SPECC1: variants seen among roughly 807,000 people sequenced by gnomAD.
SPECC1 encodes the protein cytospin-B.
A neutral mutation model predicts 104.1 loss-of-function variants in SPECC1; 62 were observed. The ratio of observed to expected loss-of-function variants is 0.60; its 90% confidence interval spans 0.49 to 0.74. SPECC1 has a LOEUF of 0.74. Ranked by LOEUF, SPECC1 falls within the 30% of genes least tolerant of loss-of-function variation. The pLI is 0.00. For missense variants in SPECC1, 1,306 were observed against 1,310.5 expected, an observed-to-expected ratio of 1.00 and a Z score of 0.05; for synonymous variants, 513 against 501.6, an observed-to-expected ratio of 1.02 and a Z score of -0.30.
chr17:20,260,617 C>T (rs751578229), intron 12 of SPECC1, among the ~76,000 whole-genome samples: 5 of 152,108 alleles, frequency 3.3e-5, no homozygotes, highest in East Asian at 3.8e-4. Context: ...GCTGTCAATG[C>T]GATAGAAATT....
chr17:20,174,357 C>T (rs2034312654), intron 3 of SPECC1, among the ~76,000 whole-genome samples: 1 of 152,010 alleles, frequency 6.6e-6, no homozygotes, highest in Non-Finnish European at 1.5e-5. Context: ...TGTAAATATG[C>T]AGTTAGGAGA....
chr17:20,066,931 T>TTG (rs374038518), intron 1 of SPECC1, among the ~76,000 whole-genome samples: 42 of 147,900 alleles, frequency 2.8e-4, no homozygotes, highest in Middle Eastern at 3.5e-3. Flanking sequence ...TTTTTTTTTT[T>TTG]GGTAGAGATA....
At chr17:20,105,106 G>A (rs149509140) in intron 2 of SPECC1, among the ~76,000 whole-genome samples, 28 of 150,808 alleles carry the variant, frequency 1.9e-4, no homozygotes, top group African/African-American at 6.3e-4. Context: ...TTTTTTCGGT[G>A]GGGGGGCGGG....
intron 11 of SPECC1, among the ~76,000 whole-genome samples, chr17:20,259,032 G>A (rs1342340975): frequency 6.6e-6 from 1 of 152,138 alleles, no homozygotes; most frequent in Non-Finnish European, 1.5e-5. Context: ...GTGAGTAGAT[G>A]GATTAATATA....
At chr17:20,145,700 G>A (rs2031387375) in intron 3 of SPECC1, among the ~76,000 whole-genome samples, 1 of 152,180 alleles carries the variant, frequency 6.6e-6, no homozygotes, top group African/African-American at 2.4e-5. Flanking sequence ...GAATCACCAG[G>A]ATTAACGTAG....
chr17:20,016,363 C>T (rs1000626938), intron 1 of SPECC1, among the ~76,000 whole-genome samples: 10 of 152,206 alleles, frequency 6.6e-5, no homozygotes, highest in South Asian at 4.1e-4. Flanking sequence ...CCACTCTGGC[C>T]GCGCTTGAGG....
chr17:20,245,759 A>T (rs999198860), intron 7 of SPECC1, among the ~76,000 whole-genome samples, 167 bp from the exon 8 acceptor site: 26 of 152,186 alleles, frequency 1.7e-4, no homozygotes, highest in African/African-American at 5.8e-4. Flanking sequence ...CAATGCCTAC[A>T]TTATTTCCTA....
intron 3 of SPECC1, among the ~76,000 whole-genome samples, chr17:20,153,764 T>C (rs894997542): frequency 2.0e-5 from 3 of 152,242 alleles, no homozygotes; most frequent in African/African-American, 7.2e-5. Flanking sequence ...AGTATGTAAC[T>C]GTTCTGTAGA....
chr17:20,217,440 A>G (rs1287475649), intron 4 of SPECC1, among the ~76,000 whole-genome samples: 1 of 152,152 alleles, frequency 6.6e-6, no homozygotes, highest in Non-Finnish European at 1.5e-5. Context: ...AACTTGGCGC[A>G]GAGCCTTTGA....
At chr17:20,135,289 T>TC (rs2152553066) in intron 3 of SPECC1, among the ~76,000 whole-genome samples, 1 of 152,314 alleles carries the variant, frequency 6.6e-6, no homozygotes, top group East Asian at 1.9e-4. Context: ...ACTTCCCTCT[T>TC]CCCCCTCAAC....
intron 1 of SPECC1, among the ~76,000 whole-genome samples, chr17:20,011,829 A>G (rs950498549): frequency 6.6e-6 from 1 of 151,760 alleles, no homozygotes; most frequent in African/African-American, 2.4e-5. Context: ...CATTATTGCT[A>G]TTGTTTTTGT....
chr17:20,032,114 T>G (rs1275720829), intron 1 of SPECC1, among the ~76,000 whole-genome samples: 1 of 152,040 alleles, frequency 6.6e-6, no homozygotes, highest in Non-Finnish European at 1.5e-5. Flanking sequence ...GTCAACTGTT[T>G]CTATTATTGT....
chr17:20,220,322 TTGTG>T (rs546658254), intron 4 of SPECC1, among the ~76,000 whole-genome samples: 1 of 152,188 alleles, frequency 6.6e-6, no homozygotes, highest in Non-Finnish European at 1.5e-5. Flanking sequence ...GTCTTTATTT[TTGTG>T]TGTGTGTTTT....
At chr17:20,024,303 T>C (rs1334328247) in intron 1 of SPECC1, among the ~76,000 whole-genome samples, 1 of 152,224 alleles carries the variant, frequency 6.6e-6, no homozygotes, top group Admixed American at 6.5e-5. Context: ...TCTTTGCTGA[T>C]TATAGCTTTT....
intron 1 of SPECC1, among the ~76,000 whole-genome samples, chr17:20,013,517 T>C (rs2044011279): frequency 6.6e-6 from 1 of 152,234 alleles, no homozygotes. Context: ...GATTTCCTTT[T>C]TTGAGACGGA....
chr17:20,127,596 C>T (rs1047276911), intron 3 of SPECC1, among the ~76,000 whole-genome samples: 13 of 152,162 alleles, frequency 8.5e-5, no homozygotes, highest in African/African-American at 2.9e-4. Flanking sequence ...GCGTAAGCCA[C>T]AGCGCCCAGC....
chr17:20,231,965 G>C (rs1253265925), intron 6 of SPECC1, 134 bp downstream of exon 6: 7 of 1,011,566 alleles, frequency 6.9e-6, no homozygotes, highest in Non-Finnish European at 8.9e-6. Flanking sequence ...GTAAATTCTT[G>C]TTGGCAGGAA....
intron 4 of SPECC1, among the ~76,000 whole-genome samples, chr17:20,209,430 A>G (rs1411336466): frequency 2.0e-5 from 3 of 152,222 alleles, no homozygotes; most frequent in African/African-American, 7.2e-5. Context: ...AGCAACCCAG[A>G]TACCGTCAAA....
At chr17:20,307,570 GA>G (rs1567624057) in intron 14 of SPECC1, among the ~76,000 whole-genome samples, 1 of 152,214 alleles carries the variant, frequency 6.6e-6, no homozygotes, top group Admixed American at 6.5e-5. Context: ...GGCATTTGAG[GA>G]AGTGAGCATA....
Sources: allele counts gnomAD v4.1 joint callset (sites outside exome capture counted in the v4.1 genomes callset), GRCh38; gene constraint gnomAD v4.1.1; transcripts MANE v1.5; gene names NCBI Gene and HGNC (gene_info 2026-07-23, HGNC 2026-07-21).